Variants in ERAP1 observed in about 807,000 individuals in gnomAD.
ERAP1 encodes the protein adipocyte-derived leucine aminopeptidase.
ERAP1 carries 86 observed loss-of-function variants against 103.7 expected under a neutral mutation model. That is an observed-to-expected ratio of 0.83 (90% CI 0.70 to 0.99). The LOEUF (loss-of-function observed/expected upper bound fraction) is 0.99, where lower values mean the gene tolerates loss of function less well. Among genes scored for constraint, ERAP1 ranks in the 50% least tolerant of loss-of-function variants. ERAP1 has a pLI of 0.00. For synonymous variants in ERAP1, 398 were observed against 402.4 expected, an observed-to-expected ratio of 0.99 and a Z score of 0.13; for missense variants, 1,009 against 1,128.4, an observed-to-expected ratio of 0.89 and a Z score of 1.52.
At chr5:96,909,460 A>T in the ERAP1 span, 1 of 774,012 alleles carries the variant, frequency 1.3e-6, no homozygotes, top group Non-Finnish European at 2.2e-6. Flanking sequence ...ACGAAGATAC[A>T]CTGTTTGGGG....
intron 11 of ERAP1, among the ~76,000 whole-genome samples, chr5:96,787,816 A>C (rs1337520427): frequency 1.1e-5 from 1 of 86,966 alleles, no homozygotes; most frequent in African/African-American, 3.9e-5. Context: ...ATATATATAC[A>C]CATATATATG....
At chr5:96,818,641 G>A in the ERAP1 span, among the ~76,000 whole-genome samples, 10 of 152,012 alleles carry the variant, frequency 6.6e-5, no homozygotes, top group Admixed American at 3.9e-4. Context: ...TTTCTTCAAC[G>A]CCCGAGGCAT....
At chr5:96,828,900 G>A in the ERAP1 span, among the ~76,000 whole-genome samples, 1 of 152,102 alleles carries the variant, frequency 6.6e-6, no homozygotes, top group African/African-American at 2.4e-5. Context: ...AGGCTGGAGT[G>A]CAGTGGCACA....
the ERAP1 span, chr5:96,910,013 C>T: frequency 4.1e-5 from 14 of 343,556 alleles, 1 homozygote; most frequent in South Asian, 8.2e-5. Flanking sequence ...CGCCTATAAT[C>T]CCAGCACTTT....
At chr5:96,862,736 T>C in the ERAP1 span, among the ~76,000 whole-genome samples, 1 of 152,230 alleles carries the variant, frequency 6.6e-6, no homozygotes, top group Non-Finnish European at 1.5e-5. Flanking sequence ...GCCACCATGA[T>C]TGCCTAGAGA....
At chr5:96,920,984 A>C in the ERAP1 span, among the ~76,000 whole-genome samples, 1 of 152,358 alleles carries the variant, frequency 6.6e-6, no homozygotes, top group South Asian at 2.1e-4. Context: ...TCAGTACCAG[A>C]TGTTAAACTC....
chr5:96,790,181 TG>T, intron 10 of ERAP1, 114 bp downstream of exon 10: 1 of 874,364 alleles, frequency 1.1e-6, no homozygotes, highest in Non-Finnish European at 1.9e-6. Context: ...CAGTCTTATC[TG>T]GAATGAGGGT....
Position 96,807,937 on chromosome 5 carries a change from A to G in ERAP1, c.-95T>C, listed in dbSNP as rs1778848146. 1.0e-6 allele frequency: 1 copy of G among 985,772 alleles called. No homozygotes were observed. The highest frequency in any genetic ancestry group is 6.1e-5 in the Admixed American group (1 of 16,266). The allele number at this position is 985,772 out of a possible 1,614,324, so 61.1% of individuals were successfully genotyped here. ...CCGGCCTAGCTCCCCCAGGACCGAA[A>G]GTGAAAGTGGAGCCCGGGGAGCGGC... On this transcript the variant is annotated 5_prime_UTR_variant, in exon 1 of 19. Coordinates refer to ENST00000443439, the MANE Select transcript of ERAP1 (RefSeq NM_001040458.3).
At chr5:96,763,038 A>G in exon 20 of ERAP1, 1 of 731,356 alleles carries the variant, frequency 1.4e-6, no homozygotes, top group Non-Finnish European at 2.5e-6. Flanking sequence ...CAAATTATAA[A>G]GGGATTGCCC....
chr5:96,852,013 T>C, the ERAP1 span, among the ~76,000 whole-genome samples: 1 of 152,182 alleles, frequency 6.6e-6, no homozygotes, highest in Non-Finnish European at 1.5e-5. Context: ...AGCAGTTCTG[T>C]CATGTGGAGA....
intron 3 of ERAP1, among the ~76,000 whole-genome samples, chr5:96,798,579 A>ACCT (rs1187608587): frequency 6.5e-5 from 5 of 77,276 alleles, no homozygotes; most frequent in Non-Finnish European, 1.3e-4. Context: ...CTCTGACCTC[A>ACCT]TCTTTTTTTT....
the ERAP1 span, chr5:96,873,563 A>C: frequency 2.3e-6 from 1 of 439,396 alleles, no homozygotes; most frequent in Non-Finnish European, 4.6e-6. Flanking sequence ...TTCCATAGAC[A>C]CTCTAGGTCA....
intron 13 of ERAP1, chr5:96,785,564 G>A (rs766629663): frequency 5.8e-5 from 32 of 551,446 alleles, no homozygotes; most frequent in Non-Finnish European, 1.0e-4. Flanking sequence ...AATTATTAAT[G>A]AGAAAGATTA....
At chr5:96,887,590 G>A in the ERAP1 span, among the ~76,000 whole-genome samples, 5 of 151,996 alleles carry the variant, frequency 3.3e-5, no homozygotes, top group African/African-American at 1.2e-4. Flanking sequence ...GTGAGCCACC[G>A]TGCCCGACAG....
At chr5:96,858,189 AATT>A in the ERAP1 span, among the ~76,000 whole-genome samples, 1 of 151,658 alleles carries the variant, frequency 6.6e-6, no homozygotes, top group African/African-American at 2.4e-5. Context: ...GACAATTGTA[AATT>A]ATTCTTCTCC....
the ERAP1 span, among the ~76,000 whole-genome samples, chr5:96,826,648 T>A: frequency 2.0e-4 from 30 of 152,264 alleles, 1 homozygote; most frequent in Non-Finnish European, 3.4e-4. Context: ...AGGCTGTGCC[T>A]CCTCCAGTCA....
chr5:96,844,858 T>C, the ERAP1 span, among the ~76,000 whole-genome samples: 1 of 152,168 alleles, frequency 6.6e-6, no homozygotes, highest in East Asian at 1.9e-4. Context: ...GAAGCTAGGG[T>C]TGTTTATTTC....
intron 18 of ERAP1, among the ~76,000 whole-genome samples, chr5:96,779,933 G>T (rs1242064644): frequency 2.0e-5 from 3 of 152,144 alleles, no homozygotes; most frequent in Admixed American, 6.5e-5. Context: ...TGTCCATTAT[G>T]TATCTTTTTG....
downstream of ERAP1, chr5:96,772,683 A>C (rs1289927727): frequency 2.0e-5 from 3 of 152,794 alleles, no homozygotes; most frequent in East Asian, 5.6e-4. Context: ...GTGACTTTTG[A>C]AGAACAAAAG....
Sources: gnomAD v4.1 joint callset for allele counts (sites outside exome capture counted in the v4.1 genomes callset) on GRCh38, gnomAD v4.1.1 for gene constraint, MANE v1.5 for transcripts, NCBI Gene and HGNC (gene_info 2026-07-23, HGNC 2026-07-21) for gene names.